Variants in IDH1 observed in about 807,000 individuals in gnomAD.
IDH1 encodes the protein isocitrate dehydrogenase [NADP] cytoplasmic.
In IDH1, 33 loss-of-function variants were observed where a neutral mutation model predicts 46.1. That is an observed-to-expected ratio of 0.72 (90% CI 0.54 to 0.96). The LOEUF (loss-of-function observed/expected upper bound fraction) is 0.96, where lower values mean the gene tolerates loss of function less well. Among genes scored for constraint, IDH1 ranks in the 40% least tolerant of loss-of-function variants. The pLI is 0.00. For synonymous variants in IDH1, 144 were observed against 172.8 expected (o/e 0.83, Z 1.31); for missense variants, 421 against 515.7 (o/e 0.82, Z 1.78).
chr2:208,251,703 G>C (rs774665360), intron 2 of IDH1, 136 bp from the exon 3 acceptor site: 1 of 683,080 alleles, frequency 1.5e-6, no homozygotes, highest in Admixed American at 2.8e-5. Flanking sequence ...ATGTGTAGTT[G>C]AATAAAAAGC....
In IDH1 at chr2:208,248,404, G is replaced by T. The variant is rs751189315; in HGVS notation, c.379C>A (p.Pro127Thr). Reference protein sequence around the residue: ...IPRLVSGWVKPIIIGRHAYGD... With the variant: ...IPRLVSGWVKTIIIGRHAYGD... The stretch of plus-strand genomic sequence containing the variant: ...TAAGCATGACGACCTATGATGATAG[G>T]TTTTACCCATCCACTCACAAGCCGG... The change falls in exon 4 of 10, where the codon CCT becomes ACT. Residue 127 changes from proline to threonine, a missense_variant. Physicochemically the swap from Pro to Thr is conservative, Grantham distance 38. Coordinates refer to ENST00000345146, the MANE Select transcript of IDH1 (RefSeq NM_005896.4). The T allele has an allele frequency of 5.6e-6, 9 of 1,613,906 alleles. No homozygotes were observed. The African/African-American group carries it at 6.7e-5, about 12-fold the overall frequency.
intron 1 of IDH1, among the ~76,000 whole-genome samples, 188 bp downstream of exon 1, chr2:208,254,751 T>A (rs1473868373): frequency 6.6e-6 from 1 of 151,930 alleles, no homozygotes; most frequent in Non-Finnish European, 1.5e-5. Flanking sequence ...GCATCCAGCA[T>A]CCCCTCCTTC....
In IDH1 at chr2:208,236,474, A is replaced by T. The variant is rs1328815216; in HGVS notation, c.*605T>A. The T allele has an allele frequency of 1.3e-5, 3 of 232,806 alleles. No homozygotes were observed. The highest frequency in any genetic ancestry group is 2.5e-5 in the Non-Finnish European group (3 of 117,910). 14.4% of individuals were successfully genotyped at this position (232,806 alleles called of 1,614,324 possible). A position where few individuals can be genotyped will look rare whatever the true frequency, so the allele number is the denominator to read the frequency against. Reference sequence around the variant, plus strand: ...GAGGACAAACCTCCAGGTAGTATTTATTCCGGATTCCAAACTCTCCTGCGG... The same window carrying T: ...GAGGACAAACCTCCAGGTAGTATTTTTTCCGGATTCCAAACTCTCCTGCGG... On this transcript the variant is annotated 3_prime_UTR_variant, in exon 10 of 10. Transcript: ENST00000345146.
At chr2:208,242,194 G>C in intron 6 of IDH1, 49 bp from the exon 7 acceptor site, 3 of 1,554,658 alleles carry the variant, frequency 1.9e-6, no homozygotes, top group Non-Finnish European at 2.7e-6. Context: ...AATTGATTTT[G>C]TTAGGGATAT....
Position 208,239,958 on chromosome 2 carries a change from T to C in IDH1, c.896A>G (p.Asp299Gly). ...GMMTSVLVCPDGKTVEAEAAH... is the reference protein window; with the variant it reads ...GMMTSVLVCPGGKTVEAEAAH... ...AGCCTCTGCTTCTACTGTCTTGCCATCTGGACAAACCAGCACGCTGGTCAT... is the reference window on the plus strand; with the variant it reads ...AGCCTCTGCTTCTACTGTCTTGCCACCTGGACAAACCAGCACGCTGGTCAT... The change falls in exon 8 of 10, where the codon GAT (aspartate) becomes GGT (glycine). Residue 299 changes from aspartate (D) to glycine (G), a missense_variant. Transcript: ENST00000345146. 6.2e-7 allele frequency: 1 copy of C among 1,614,162 alleles called. No homozygotes were observed. The highest frequency in any genetic ancestry group is 2.2e-5 in the East Asian group (1 of 44,880).
chr2:208,245,685 A>G (rs1450849228), intron 4 of IDH1, among the ~76,000 whole-genome samples: 2 of 151,654 alleles, frequency 1.3e-5, no homozygotes, highest in East Asian at 3.9e-4. Flanking sequence ...AGAATAACAT[A>G]AGCCACTTTC....
chr2:208,242,222 C>G lies in IDH1; in HGVS notation c.699-77G>C. On this transcript the variant is annotated intron_variant, in intron 6 of 9. Coordinates refer to ENST00000345146, the MANE Select transcript of IDH1 (RefSeq NM_005896.4). ...AGGGATATCATCTGCTTGTCCCAAA[C>G]AGAAGACCGGACACACAAGAAGCAG... The G allele has an allele frequency of 4.5e-6, 6 of 1,345,250 alleles. 1 individual carries two copies. The highest frequency in any genetic ancestry group is 4.2e-6 in the Non-Finnish European group (4 of 943,318). 83.3% of individuals were successfully genotyped at this position (1,345,250 alleles called of 1,614,324 possible).
chr2:208,241,172 G>GGGTT (rs1186361720), intron 7 of IDH1, among the ~76,000 whole-genome samples: 1 of 152,050 alleles, frequency 6.6e-6, no homozygotes, highest in African/African-American at 2.4e-5. Context: ...ACAGCCCCTA[G>GGGTT]GGTTCTTTGC....
intron 8 of IDH1, 60 bp from the exon 9 acceptor site, chr2:208,239,293 T>C: frequency 6.4e-7 from 1 of 1,552,124 alleles, no homozygotes; most frequent in Non-Finnish European, 8.8e-7. Context: ...GGTTTCCAAA[T>C]GTCTCATAGT....
chr2:208,245,546 C>CTTCT, intron 4 of IDH1, 122 bp from the exon 5 acceptor site: 1 of 336,650 alleles, frequency 3.0e-6, no homozygotes, highest in Non-Finnish European at 5.4e-6. Flanking sequence ...TGTCAAACTT[C>CTTCT]TTTTTTTTTT....
At chr2:208,250,113 C>G (rs894699321) in intron 3 of IDH1, among the ~76,000 whole-genome samples, 1 of 152,078 alleles carries the variant, frequency 6.6e-6, no homozygotes, top group Non-Finnish European at 1.5e-5. Flanking sequence ...GTTTGAGCCT[C>G]CAAAAATTAT....
Position 208,245,244 on chromosome 2 carries a change from C to CA in IDH1, c.520+74dup, listed in dbSNP as rs1476861061. ...TATTTTTAGGCAGTCACATAACTAA[C>CA]AAAAAAAGCAATAAAAATATTATCT... On this transcript the variant is annotated intron_variant, in intron 5 of 9. Transcript: ENST00000345146. 81 of 842,144 alleles carry CA rather than the reference C, an allele frequency of 9.6e-5. 4 individuals carry two copies. The highest frequency in any genetic ancestry group is 6.3e-4 in the South Asian group (42 of 66,776). 52.2% of individuals were successfully genotyped at this position (842,144 alleles called of 1,614,324 possible).
chr2:208,239,355 A>G (rs1221292335), intron 8 of IDH1, 122 bp from the exon 9 acceptor site: 1 of 942,104 alleles, frequency 1.1e-6, no homozygotes, highest in African/African-American at 1.6e-5. Flanking sequence ...TTTAGATACT[A>G]ACCACATGGG....
intron 3 of IDH1, among the ~76,000 whole-genome samples, chr2:208,249,193 C>CTTTT (rs536892104): frequency 7.1e-6 from 1 of 140,790 alleles, no homozygotes; most frequent in African/African-American, 2.6e-5. Flanking sequence ...GAGCCTTTCC[C>CTTTT]TTTTTTTTTT....
intron 3 of IDH1, among the ~76,000 whole-genome samples, chr2:208,249,679 C>G (rs541383661): frequency 1.3e-5 from 2 of 152,288 alleles, no homozygotes; most frequent in African/African-American, 4.8e-5. Context: ...CTTTTTGGTT[C>G]CCTTATCTTC....
rs756262551 is a variant in IDH1 at position 208,251,531 on chromosome 2, G to A, written c.21C>T (p.Gly7=). The change falls in exon 3 of 10, where the codon GGC becomes GGT. Residue 7 remains glycine, a synonymous_variant. Transcript: ENST00000345146. MSKKIS[G]GSVVEMQGDE... Reference sequence around the variant, plus strand: ...CTCCTTGCATCTCTACCACAGAACCGCCACTGATTTTTTTGGACATTTTGA... The same window carrying A: ...CTCCTTGCATCTCTACCACAGAACCACCACTGATTTTTTTGGACATTTTGA... The A allele has an allele frequency of 1.2e-5, 19 of 1,612,596 alleles. No homozygotes were observed. The highest frequency in any genetic ancestry group is 5.4e-5 in the African/African-American group (4 of 74,540).
rs954785982 is a variant in IDH1 at position 208,242,146 on chromosome 2, C to T, written c.699-1G>A. 12 of 1,613,696 alleles carry T rather than the reference C, an allele frequency of 7.4e-6. No individual in the cohort carries two copies. The highest frequency in any genetic ancestry group is 1.0e-5 in the Non-Finnish European group (12 of 1,179,780). ...AGCTTCAAACTGGGACTTGTACTGC[C>T]TGGGAAACAAAAGGTAAAAGAGAAT... On this transcript the variant is annotated splice_acceptor_variant, in intron 6 of 9. Transcript: ENST00000345146. LOFTEE classifies it high-confidence loss of function.
At chr2:208,237,680 G>C (rs958526090) in intron 9 of IDH1, among the ~76,000 whole-genome samples, 10 of 151,854 alleles carry the variant, frequency 6.6e-5, no homozygotes, top group African/African-American at 1.2e-4. Flanking sequence ...CAGCACTTTG[G>C]GGGGCCAAGG....
At position 208,240,017 on chromosome 2, in the gene IDH1, A is replaced by T; in HGVS notation, c.851-14T>A. 2 of 1,614,170 alleles carry T rather than the reference A, an allele frequency of 1.2e-6. No individual in the cohort carries two copies. The highest frequency in any genetic ancestry group is 1.7e-6 in the Non-Finnish European group (2 of 1,180,006). ...GAGAGCCATACCCTGTAAGTAGTGG[A>T]GCATGAAGCGTTGGGTCCAACTGCA... On this transcript the variant is annotated splice_polypyrimidine_tract_variant and intron_variant, in intron 7 of 9. Coordinates refer to ENST00000345146, the MANE Select transcript of IDH1 (RefSeq NM_005896.4).
Sources: gnomAD v4.1 joint callset for allele counts (sites outside exome capture counted in the v4.1 genomes callset) on GRCh38, gnomAD v4.1.1 for gene constraint, MANE v1.5 for transcripts, NCBI Gene and HGNC (gene_info 2026-07-23, HGNC 2026-07-21) for gene names.